Variants in CA8 observed in about 807,000 individuals in gnomAD.
CA8 encodes the protein carbonic anhydrase-related protein.
CA8 carries 22 observed loss-of-function variants against 41.4 expected under a neutral mutation model. The ratio of observed to expected loss-of-function variants is 0.53; its 90% CI spans 0.38 to 0.76. The LOEUF (loss-of-function observed/expected upper bound fraction) is 0.76, where lower values mean the gene tolerates loss of function less well. Among genes scored for constraint, CA8 ranks in the 30% least tolerant of loss-of-function variants. The pLI is 0.00. For synonymous variants in CA8, 121 were observed against 130.6 expected (o/e 0.93, Z 0.50); for missense variants, 270 against 352.8 (o/e 0.77, Z 1.88).
intron 8 of CA8, among the ~76,000 whole-genome samples, chr8:60,206,987 G>A (rs62511578): frequency 6.6e-6 from 1 of 151,562 alleles, no homozygotes; most frequent in Non-Finnish European, 1.5e-5. Context: ...CTCTGTTGCT[G>A]CGGCCTCCTG....
chr8:60,250,005 T>C (rs1808392326), intron 3 of CA8, among the ~76,000 whole-genome samples: 1 of 152,130 alleles, frequency 6.6e-6, no homozygotes, highest in Admixed American at 6.6e-5. Flanking sequence ...ATCAGAAATA[T>C]AATATCCCTT....
intron 3 of CA8, among the ~76,000 whole-genome samples, chr8:60,257,977 A>G (rs943193123): frequency 3.3e-5 from 5 of 152,240 alleles, no homozygotes; most frequent in Non-Finnish European, 7.3e-5. Context: ...CTCTGGTCCA[A>G]AAATATTAAA....
rs1391254567 is a variant in CA8, at chr8:60,208,954, A to G, written c.739-35T>C. On this transcript the variant is annotated intron_variant, in intron 7 of 8. Coordinates refer to ENST00000317995, the MANE Select transcript of CA8 (RefSeq NM_004056.6). ...AAAGCAGAAGAAAATAGATTAATCA[A>G]TTATCGGACATTAACAAGATTGGAG... 3 of 1,603,056 alleles carry G rather than the reference A, an allele frequency of 1.9e-6. No individual in the cohort carries two copies. In the East Asian group the frequency reaches 6.7e-5, roughly 36 times the overall value.
chr8:60,222,877 T>A (rs1325097761), intron 6 of CA8, 116 bp from the exon 7 acceptor site: 1 of 724,914 alleles, frequency 1.4e-6, no homozygotes, highest in Admixed American at 2.0e-5. Context: ...CTAAGATGGA[T>A]GTCATTTTTA....
In CA8 at chr8:60,232,308, G is replaced by A. The variant is rs768293535; in HGVS notation, c.489C>T (p.Ile163=). ...CCTGAACAAACAGAGCAATGATGGC[G>A]ATTCCGTGCGGCTTCCCCACAGCCT... ...IDEAVGKPHG[I]AIIALFVQIG... The change falls in exon 4 of 9, where the codon ATC becomes ATT. Residue 163 remains isoleucine, a synonymous_variant. Coordinates refer to ENST00000317995, the MANE Select transcript of CA8 (RefSeq NM_004056.6). 5 of 1,613,422 alleles carry A rather than the reference G, an allele frequency of 3.1e-6. No homozygotes were observed. The highest frequency in any genetic ancestry group is 2.7e-5 in the African/African-American group (2 of 74,902).
At chr8:60,220,165 T>G (rs1204304761) in intron 7 of CA8, among the ~76,000 whole-genome samples, 1 of 151,894 alleles carries the variant, frequency 6.6e-6, no homozygotes, top group Non-Finnish European at 1.5e-5. Context: ...ATGAGGCAAA[T>G]CAGAAAAGAA....
In CA8 at chr8:60,222,615, C is replaced by T. The variant is rs192878724; in HGVS notation, c.738+34G>A. On this transcript the variant is annotated intron_variant, in intron 7 of 8. Coordinates refer to ENST00000317995, the MANE Select transcript of CA8 (RefSeq NM_004056.6). Reference sequence around the variant, plus strand: ...CTCAGAAACAATGTTTAACTCAGAACTTCACTCTGAAAGATTCAAAGTAGC... The same window carrying T: ...CTCAGAAACAATGTTTAACTCAGAATTTCACTCTGAAAGATTCAAAGTAGC... 1.5e-5 allele frequency: 19 copies of T among 1,308,492 alleles called. No individual in the cohort carries two copies. The African/African-American group carries it at 2.6e-4, about 18-fold the overall frequency. The allele number at this position is 1,308,492 out of a possible 1,614,324, so 81.1% of individuals were successfully genotyped here.
chr8:60,208,603 C>T, intron 8 of CA8, 147 bp downstream of exon 8: 1 of 693,554 alleles, frequency 1.4e-6, no homozygotes, highest in Non-Finnish European at 2.5e-6. Context: ...CTGTAATTAA[C>T]AGAGCTCAAG....
intron 6 of CA8, 115 bp downstream of exon 6, chr8:60,224,422 C>A: frequency 2.8e-6 from 2 of 710,596 alleles, no homozygotes; most frequent in East Asian, 2.7e-5. Context: ...AAACAGAATA[C>A]AAATTGCAAA....
intron 8 of CA8, among the ~76,000 whole-genome samples, chr8:60,191,944 G>C (rs913764608): frequency 7.9e-5 from 12 of 151,992 alleles, no homozygotes; most frequent in African/African-American, 2.9e-4. Context: ...ATGATTCAGG[G>C]GGTTCTTGGT....
chr8:60,185,815 G>A lies in CA8; in HGVS notation c.*4206C>T, dbSNP rs1172302854. Among the ~76,000 whole-genome samples the A allele has an allele frequency of 6.6e-6, 1 of 151,712 alleles. No homozygotes were observed. Among genetic ancestry groups the A allele is most frequent in the African/African-American group, 2.4e-5 (1 of 41,294 alleles). On this transcript the variant is annotated 3_prime_UTR_variant, in exon 9 of 9. Coordinates refer to ENST00000317995, the MANE Select transcript of CA8 (RefSeq NM_004056.6). ...ATATTAAAAAAAGGACTTCTGCCTG[G>A]AATGAAGTGACCCCAGATACTAATT...
At chr8:60,276,827 A>T (rs1448330789) in intron 2 of CA8, among the ~76,000 whole-genome samples, 1 of 152,188 alleles carries the variant, frequency 6.6e-6, no homozygotes. Context: ...GCAATAAGAA[A>T]ACTGGCCTCG....
intron 7 of CA8, among the ~76,000 whole-genome samples, chr8:60,213,622 G>A (rs1806916522): frequency 6.6e-6 from 1 of 152,130 alleles, no homozygotes; most frequent in Admixed American, 6.6e-5. Flanking sequence ...CACACTGCAA[G>A]GCAAAGACTC....
chr8:60,192,266 A>G (rs1376889930), intron 8 of CA8, among the ~76,000 whole-genome samples: 4 of 152,114 alleles, frequency 2.6e-5, no homozygotes, highest in East Asian at 1.9e-4. Flanking sequence ...CCAAGTCCAA[A>G]TCCCAGCTCT....
intron 8 of CA8, among the ~76,000 whole-genome samples, chr8:60,192,477 T>G (rs1806157979): frequency 6.6e-6 from 1 of 152,140 alleles, no homozygotes; most frequent in Non-Finnish European, 1.5e-5. Flanking sequence ...TGCTCCAACA[T>G]AAATGTGAAG....
At chr8:60,267,931 T>C (rs1450588757) in intron 2 of CA8, among the ~76,000 whole-genome samples, 8 of 152,198 alleles carry the variant, frequency 5.3e-5, no homozygotes, top group Admixed American at 2.0e-4. Flanking sequence ...GATTTAAGAA[T>C]GTATGAAACG....
At chr8:60,276,399 C>T (rs180878647) in intron 2 of CA8, among the ~76,000 whole-genome samples, 2,794 of 152,110 alleles carry the variant, frequency 0.018, 101 homozygotes, top group African/African-American at 0.063. Context: ...CTGATGCACG[C>T]TAATGTCCTA....
At chr8:60,211,423 C>G (rs1806831943) in intron 7 of CA8, among the ~76,000 whole-genome samples, 1 of 152,216 alleles carries the variant, frequency 6.6e-6, no homozygotes, top group Non-Finnish European at 1.5e-5. Context: ...ATACCTGCAA[C>G]CTGAACCTAT....
chr8:60,234,466 G>A (rs1807762643), intron 3 of CA8, among the ~76,000 whole-genome samples: 1 of 152,170 alleles, frequency 6.6e-6, no homozygotes. Flanking sequence ...AATGTAAAAT[G>A]TTACTAATAG....
Sources: allele counts gnomAD v4.1 joint callset (sites outside exome capture counted in the v4.1 genomes callset), GRCh38; gene constraint gnomAD v4.1.1; transcripts MANE v1.5; gene names NCBI Gene and HGNC (gene_info 2026-07-23, HGNC 2026-07-21).